Variants in SLC12A6 observed in about 807,000 individuals in gnomAD.
SLC12A6 encodes the protein solute carrier family 12 member 6, also known as K-Cl cotransporter 3.
In SLC12A6, 66 loss-of-function variants were observed where a neutral mutation model predicts 135.3. That is an observed-to-expected ratio of 0.49 (90% CI 0.40 to 0.60). The LOEUF (loss-of-function observed/expected upper bound fraction) is 0.60. Ranked by LOEUF, SLC12A6 falls within the 20% of genes least tolerant of loss-of-function variation. SLC12A6 has a pLI of 0.00. For synonymous variants in SLC12A6, 513 were observed against 508.8 expected (o/e 1.01, Z -0.11); for missense variants, 1,058 against 1,452.3 (o/e 0.73, Z 4.41).
chr15:34,268,573 T>A (rs971602799), intron 3 of SLC12A6, among the ~76,000 whole-genome samples: 2 of 152,200 alleles, frequency 1.3e-5, no homozygotes, highest in Non-Finnish European at 2.9e-5. Context: ...AATTTTTGGC[T>A]TGAATATCTT....
intron 2 of SLC12A6, among the ~76,000 whole-genome samples, chr15:34,332,640 G>A (rs1011243702): frequency 6.6e-6 from 1 of 152,022 alleles, no homozygotes; most frequent in Admixed American, 6.6e-5. Flanking sequence ...AAATTTAGCC[G>A]GGTGTGGTTG....
chr15:34,239,276 C>A (rs2140655076), intron 19 of SLC12A6, 116 bp from the exon 20 acceptor site: 2 of 777,982 alleles, frequency 2.6e-6, no homozygotes, highest in Admixed American at 2.1e-5. Flanking sequence ...AATACTATAT[C>A]ATCTACAGAA....
chr15:34,277,146 A>G (rs926175376), intron 2 of SLC12A6, among the ~76,000 whole-genome samples: 17 of 152,180 alleles, frequency 1.1e-4, no homozygotes, highest in African/African-American at 4.1e-4. Context: ...TAAATAAAGG[A>G]TACTGGGGCT....
chr15:34,325,626 T>C (rs1336433659), intron 2 of SLC12A6, among the ~76,000 whole-genome samples: 1 of 152,202 alleles, frequency 6.6e-6, no homozygotes, highest in Non-Finnish European at 1.5e-5. Context: ...TGGTGATTTA[T>C]ATATTTATAA....
At chr15:34,247,246 G>T (rs547117970) in intron 13 of SLC12A6, among the ~76,000 whole-genome samples, 1 of 152,050 alleles carries the variant, frequency 6.6e-6, no homozygotes, top group Non-Finnish European at 1.5e-5. Context: ...GGCTGGGTGC[G>T]GTGGCTCACG....
chr15:34,258,268 G>A (rs1035982701), intron 5 of SLC12A6, among the ~76,000 whole-genome samples: 2 of 152,134 alleles, frequency 1.3e-5, no homozygotes, highest in African/African-American at 4.8e-5. Flanking sequence ...TAAACTGAAT[G>A]TCTTATATTT....
intron 16 of SLC12A6, among the ~76,000 whole-genome samples, chr15:34,242,830 ACC>A (rs1891736251): frequency 1.3e-5 from 2 of 152,070 alleles, no homozygotes; most frequent in Admixed American, 6.5e-5. Flanking sequence ...GAAGACTGAG[ACC>A]ATCCTGGCTA....
intron 3 of SLC12A6, among the ~76,000 whole-genome samples, chr15:34,271,877 A>C (rs1410772580): frequency 1.3e-5 from 2 of 152,250 alleles, no homozygotes; most frequent in Non-Finnish European, 2.9e-5. Context: ...TTAAGCAGGC[A>C]AGGCAATTGA....
chr15:34,233,811 T>G lies in SLC12A6; in HGVS notation c.*70A>C. On this transcript the variant is annotated 3_prime_UTR_variant, in exon 26 of 26. Coordinates refer to ENST00000354181, the MANE Select transcript of SLC12A6 (RefSeq NM_001365088.1). ...TCTAGTTGAGTGGGAGTGGTAGTAA[T>G]GAGCTGGCACTTCCATGGAGGACGT... 1.2e-6 allele frequency: 1 copy of G among 821,202 alleles called. No individual in the cohort carries two copies. Among genetic ancestry groups the G allele is most frequent in the Non-Finnish European group, 2.2e-6 (1 of 459,398 alleles). 50.9% of individuals were successfully genotyped at this position (821,202 alleles called of 1,614,324 possible).
At chr15:34,253,185 T>C (rs1209808046) in intron 9 of SLC12A6, among the ~76,000 whole-genome samples, 1 of 152,244 alleles carries the variant, frequency 6.6e-6, no homozygotes, top group South Asian at 2.1e-4. Flanking sequence ...TACATTATTA[T>C]GAACCATGTA....
chr15:34,256,567 G>C (rs1892764956), intron 6 of SLC12A6, among the ~76,000 whole-genome samples: 1 of 152,210 alleles, frequency 6.6e-6, no homozygotes, highest in African/African-American at 2.4e-5. Context: ...ACAGGAAATA[G>C]AGCATAGTAT....
intron 2 of SLC12A6, among the ~76,000 whole-genome samples, chr15:34,285,462 C>G (rs1211880834): frequency 6.7e-6 from 1 of 150,118 alleles, no homozygotes; most frequent in African/African-American, 2.4e-5. Flanking sequence ...GAGTTGGAGA[C>G]TGACAGAGAG....
intron 9 of SLC12A6, 88 bp downstream of exon 9, chr15:34,254,260 A>T (rs546716837): frequency 1.5e-6 from 2 of 1,324,508 alleles, no homozygotes; most frequent in Non-Finnish European, 2.2e-6. Flanking sequence ...GAGAGACTCT[A>T]TGAAATTCTG....
intron 2 of SLC12A6, among the ~76,000 whole-genome samples, chr15:34,308,886 T>C (rs1307736342): frequency 6.6e-6 from 1 of 152,104 alleles, no homozygotes; most frequent in Non-Finnish European, 1.5e-5. Context: ...AAAACACAAA[T>C]AATTACATAT....
At chr15:34,285,717 T>TATACACACACACACACACACACACA (rs144158165) in intron 2 of SLC12A6, among the ~76,000 whole-genome samples, 22,052 of 130,794 alleles carry the variant, frequency 0.17, 2,401 homozygotes, top group Non-Finnish European at 0.23. Flanking sequence ...TGTGTGTTTG[T>TATACACACACACACACACACACACA]CATACATAAA....
At chr15:34,249,656 C>T (rs1892252676) in intron 13 of SLC12A6, among the ~76,000 whole-genome samples, 1 of 152,172 alleles carries the variant, frequency 6.6e-6, no homozygotes, top group Non-Finnish European at 1.5e-5. Context: ...GAATGCCAAA[C>T]ACAATTAGAT....
intron 2 of SLC12A6, among the ~76,000 whole-genome samples, chr15:34,290,294 G>T (rs562371378): frequency 1.1e-4 from 17 of 152,310 alleles, no homozygotes; most frequent in African/African-American, 3.8e-4. Flanking sequence ...GGTTTTGAGT[G>T]AGTTTATTAA....
At chr15:34,276,496 T>G (rs1322951110) in intron 2 of SLC12A6, among the ~76,000 whole-genome samples, 1 of 152,194 alleles carries the variant, frequency 6.6e-6, no homozygotes, top group African/African-American at 2.4e-5. Context: ...TTTTAAAGGT[T>G]TGAAAAGCAC....
chr15:34,313,948 G>GA (rs539393779), intron 2 of SLC12A6, among the ~76,000 whole-genome samples: 3,942 of 81,852 alleles, frequency 0.048, 178 homozygotes, highest in African/African-American at 0.15. Flanking sequence ...TCTTAAAAAC[G>GA]AAAAAAAAAA....
Sources: gnomAD v4.1 joint callset for allele counts (sites outside exome capture counted in the v4.1 genomes callset) on GRCh38, gnomAD v4.1.1 for gene constraint, MANE v1.5 for transcripts, NCBI Gene and HGNC (gene_info 2026-07-23, HGNC 2026-07-21) for gene names.